The following PCCA variants were observed in gnomAD, a reference collection of about 807,000 sequenced individuals.
The protein encoded by PCCA is propionyl-CoA carboxylase alpha chain, mitochondrial.
PCCA carries 74 observed loss-of-function variants against 101.3 expected under a neutral mutation model. That is an observed-to-expected ratio of 0.73 (90% confidence interval 0.61 to 0.89). PCCA has a LOEUF of 0.89. PCCA is among the 40% of genes least tolerant of loss of function. PCCA has a pLI of 0.00. For missense variants in PCCA, 891 were observed against 907.0 expected (o/e 0.98, Z 0.23); for synonymous variants, 294 against 313.6 (o/e 0.94, Z 0.66).
Position 100,192,093 on chromosome 13 carries a change from C to A in PCCA, c.469-17239C>A, listed in dbSNP as rs193071061. On this transcript the variant is annotated intron_variant, in intron 6 of 23. Transcript: ENST00000376285. The stretch of plus-strand genomic sequence containing the variant: ...GGAATTTGTATCTTGGAAAGAATTG[C>A]CTTTGTCTTTTATTATTTATGCAGT... Among the ~76,000 whole-genome samples the A allele has an allele frequency of 5.3e-5, 8 of 152,204 alleles. No individual in the cohort carries two copies. The East Asian group carries it at 1.5e-3, about 29-fold the overall frequency.
intron 21 of PCCA, among the ~76,000 whole-genome samples, chr13:100,472,872 T>TTA (rs201156017): frequency 1.4e-5 from 2 of 143,242 alleles, no homozygotes; most frequent in East Asian, 2.0e-4. Context: ...TATCATAAGA[T>TTA]AAAAAAAAAA....
intron 11 of PCCA, among the ~76,000 whole-genome samples, chr13:100,271,467 T>C (rs113049848): frequency 0.016 from 2,431 of 150,234 alleles, 75 homozygotes; most frequent in African/African-American, 0.056. Flanking sequence ...AGAAATGTAA[T>C]ATGAATGTTA....
intron 12 of PCCA, among the ~76,000 whole-genome samples, chr13:100,289,965 G>A (rs957564008): frequency 1.6e-4 from 24 of 152,078 alleles, no homozygotes; most frequent in African/African-American, 5.8e-4. Context: ...TAGAATGTGT[G>A]GAATATATGC....
intron 19 of PCCA, among the ~76,000 whole-genome samples, chr13:100,417,994 G>A (rs1207627730): frequency 6.6e-6 from 1 of 151,966 alleles, no homozygotes; most frequent in Non-Finnish European, 1.5e-5. Context: ...CCCCTTCCCT[G>A]TATCCCTCTC....
intron 21 of PCCA, chr13:100,479,834 GGC>G (rs1340183997): frequency 7.8e-6 from 1 of 128,934 alleles, no homozygotes; most frequent in Non-Finnish European, 1.6e-5. Context: ...TGCACTTGAT[GGC>G]AAGGGTCTTT....
chr13:100,112,690 C>G (rs1448603130), intron 4 of PCCA, among the ~76,000 whole-genome samples: 6 of 151,670 alleles, frequency 4.0e-5, no homozygotes, highest in African/African-American at 9.7e-5. Flanking sequence ...GATTCTCCCG[C>G]CTCAGCCTCC....
chr13:100,350,799 G>A (rs1595519800), intron 18 of PCCA, among the ~76,000 whole-genome samples: 1 of 152,288 alleles, frequency 6.6e-6, no homozygotes, highest in East Asian at 1.9e-4. Flanking sequence ...TTTGGCAGCT[G>A]TTGCACCCCA....
intron 6 of PCCA, among the ~76,000 whole-genome samples, chr13:100,185,639 TTC>T (rs1396277980): frequency 9.3e-6 from 1 of 108,010 alleles, no homozygotes; most frequent in African/African-American, 3.7e-5. Flanking sequence ...TTTCTTAAAT[TTC>T]TTTTTCTTTT....
At chr13:100,452,641 CTTTA>C (rs1273891871) in intron 21 of PCCA, among the ~76,000 whole-genome samples, 3 of 137,794 alleles carry the variant, frequency 2.2e-5, no homozygotes, top group African/African-American at 3.3e-5. Context: ...CCCTCGCCCA[CTTTA>C]TTTATTTATT....
chr13:100,422,070 T>TTTCTTTTTC (rs10668689), intron 19 of PCCA, among the ~76,000 whole-genome samples: 1 of 110,666 alleles, frequency 9.0e-6, no homozygotes, highest in South Asian at 3.3e-4. Flanking sequence ...TTCTCTTTTC[T>TTTCTTTTTC]TTTCTTTCTT....
intron 7 of PCCA, among the ~76,000 whole-genome samples, chr13:100,219,968 G>T (rs1228543743): frequency 6.6e-6 from 1 of 152,114 alleles, no homozygotes. Context: ...GTAATATGGA[G>T]TTACATTGTT....
intron 8 of PCCA, among the ~76,000 whole-genome samples, chr13:100,252,444 C>T (rs1163318701): frequency 6.6e-6 from 1 of 151,986 alleles, no homozygotes; most frequent in Non-Finnish European, 1.5e-5. Flanking sequence ...TTTTTCCTTT[C>T]CCATTAGTAT....
intron 7 of PCCA, among the ~76,000 whole-genome samples, chr13:100,225,051 T>G (rs2152503588): frequency 6.6e-6 from 1 of 152,334 alleles, no homozygotes; most frequent in Non-Finnish European, 1.5e-5. Context: ...ATTGTGGCAT[T>G]AGAAAACTCA....
rs757956275 is a variant in PCCA at position 100,309,921 on chromosome 13, AT to A, written c.1429+16del. The stretch of plus-strand genomic sequence containing the variant: ...TATGTTATTCGAGGTAAAAACAAAG[AT>A]TTGCACTCGTTGGTTATTGTATATG... On this transcript the variant is annotated intron_variant, in intron 16 of 23. Transcript: ENST00000376285. 1 of 1,591,622 alleles carries A rather than the reference AT, an allele frequency of 6.3e-7. No homozygotes were observed. The highest frequency in any genetic ancestry group is 1.1e-5 in the South Asian group (1 of 90,662).
chr13:100,212,012 T>G (rs889214230), intron 7 of PCCA, among the ~76,000 whole-genome samples: 2 of 152,202 alleles, frequency 1.3e-5, no homozygotes, highest in African/African-American at 4.8e-5. Flanking sequence ...AGTGCTGGGA[T>G]TACAGGCATG....
At chr13:100,142,098 T>C (rs2051946843) in intron 4 of PCCA, among the ~76,000 whole-genome samples, 1 of 152,216 alleles carries the variant, frequency 6.6e-6, no homozygotes, top group Non-Finnish European at 1.5e-5. Flanking sequence ...GATTTTTTTT[T>C]TCTCTAGTCT....
At chr13:100,109,348 G>A (rs1381129808) in intron 2 of PCCA, among the ~76,000 whole-genome samples, 1 of 152,162 alleles carries the variant, frequency 6.6e-6, no homozygotes, top group Admixed American at 6.5e-5. Context: ...GGGTGGCTTG[G>A]CTGCAGACTG....
chr13:100,394,349 T>C lies in PCCA; in HGVS notation c.1746+25775T>C, dbSNP rs745851832. On this transcript the variant is annotated intron_variant, in intron 19 of 23. Transcript: ENST00000376285. This position sits in a 1 kb window ranked among gnomAD's most constrained non-coding sequence, Gnocchi z 4.3. ...TGAGAAGACCTTATGTTTATACAAC[T>C]GTTATTATTAAGAAAACACAGCTTT... 6.6e-6 allele frequency among the ~76,000 whole-genome samples: 1 copy of C among 152,186 alleles called. No homozygotes were observed. Among genetic ancestry groups the C allele is most frequent in the Non-Finnish European group, 1.5e-5 (1 of 68,024 alleles).
intron 4 of PCCA, among the ~76,000 whole-genome samples, chr13:100,132,285 C>CTCCCTTGTGAGTCATTACCCCTCAGAT (rs1280789317): frequency 6.6e-6 from 1 of 151,968 alleles, no homozygotes; most frequent in Admixed American, 6.6e-5. Context: ...ACCCCTCAGA[C>CTCCCTTGTGAGTCATTACCCCTCAGAT]TCCCTTGTGA....
Sources: allele counts gnomAD v4.1 joint callset (sites outside exome capture counted in the v4.1 genomes callset), GRCh38; gene constraint gnomAD v4.1.1; non-coding constraint Gnocchi (gnomAD v3.1); transcripts MANE v1.5; gene names NCBI Gene and HGNC (gene_info 2026-07-23, HGNC 2026-07-21).